DENND1B: variants seen among roughly 807,000 people sequenced by gnomAD.
DENND1B encodes the protein DENN domain-containing protein 1B.
A neutral mutation model predicts 90.1 loss-of-function variants in DENND1B; 59 were observed. The observed-to-expected ratio is 0.65, with a 90% CI of 0.53 to 0.81. DENND1B has a LOEUF of 0.81. DENND1B is among the 40% of genes least tolerant of loss of function. The pLI is 0.00. For missense variants in DENND1B, 862 were observed against 912.6 expected, an observed-to-expected ratio of 0.94 and a Z score of 0.71; for synonymous variants, 337 against 324.6, an observed-to-expected ratio of 1.04 and a Z score of -0.41.
At chr1:197,613,891 A>T (rs1677403401) in intron 11 of DENND1B, among the ~76,000 whole-genome samples, 1 of 151,098 alleles carries the variant, frequency 6.6e-6, no homozygotes, top group Admixed American at 6.6e-5. Context: ...TTAATGAAAG[A>T]GTTTTAAAAT....
chr1:197,569,155 A>C (rs1315600102), intron 15 of DENND1B, among the ~76,000 whole-genome samples: 1 of 152,120 alleles, frequency 6.6e-6, no homozygotes, highest in East Asian at 1.9e-4. Context: ...AAGACATACA[A>C]ATGGCCAACA....
At chr1:197,759,597 G>C (rs1439662058) in intron 2 of DENND1B, among the ~76,000 whole-genome samples, 1 of 151,150 alleles carries the variant, frequency 6.6e-6, no homozygotes, top group Non-Finnish European at 1.5e-5. Flanking sequence ...AAAAAAGTTA[G>C]CTGGGCATGG....
chr1:197,534,700 A>G (rs1008489301), intron 20 of DENND1B, among the ~76,000 whole-genome samples: 24 of 152,324 alleles, frequency 1.6e-4, no homozygotes, highest in African/African-American at 4.8e-4. Context: ...GTAAGATATT[A>G]AAGTATTTTT....
intron 3 of DENND1B, among the ~76,000 whole-genome samples, chr1:197,702,065 T>C (rs763904610): frequency 2.6e-5 from 4 of 152,142 alleles, no homozygotes; most frequent in Admixed American, 2.6e-4. Context: ...ATCAATAAAG[T>C]AGATTATAAA....
intron 14 of DENND1B, among the ~76,000 whole-genome samples, chr1:197,590,904 A>G (rs983920808): frequency 2.0e-5 from 3 of 152,158 alleles, no homozygotes; most frequent in African/African-American, 7.2e-5. Flanking sequence ...TTGATCTAAC[A>G]TGAACATCAT....
chr1:197,594,510 T>C (rs1675515123), intron 14 of DENND1B, among the ~76,000 whole-genome samples: 1 of 152,174 alleles, frequency 6.6e-6, no homozygotes, highest in Admixed American at 6.5e-5. Flanking sequence ...GTTTTATCTC[T>C]TACAACTTAT....
At chr1:197,738,019 TG>T (rs1662870704) in intron 2 of DENND1B, among the ~76,000 whole-genome samples, 1 of 58,920 alleles carries the variant, frequency 1.7e-5, no homozygotes, top group African/African-American at 7.8e-5. Flanking sequence ...AGGTTTTGAT[TG>T]CCTCCTAATT....
intron 3 of DENND1B, among the ~76,000 whole-genome samples, chr1:197,708,042 C>T (rs1228275324): frequency 2.1e-4 from 31 of 149,074 alleles, no homozygotes; most frequent in Non-Finnish European, 3.9e-4. Context: ...CGGCGCACCA[C>T]GAGACTATAT....
At chr1:197,583,370 CCCTT>C (rs1203723371) in intron 14 of DENND1B, 117 bp from the exon 15 acceptor site, 1 of 832,222 alleles carries the variant, frequency 1.2e-6, no homozygotes, top group Non-Finnish European at 1.9e-6. Flanking sequence ...AAGCAACAGA[CCCTT>C]CCTTACACAG....
chr1:197,505,217 A>G lies in DENND1B; in HGVS notation c.*5243T>C, dbSNP rs1667675053. 6.6e-6 allele frequency: 1 copy of G among 151,776 alleles called. No individual in the cohort carries two copies. Among genetic ancestry groups the G allele is most frequent in the Non-Finnish European group, 1.5e-5 (1 of 67,820 alleles). The allele number at this position is 151,776 out of a possible 1,614,324, so 9.4% of individuals were successfully genotyped here. On this transcript the variant is annotated 3_prime_UTR_variant, in exon 23 of 23. Coordinates refer to ENST00000620048, the MANE Select transcript of DENND1B (RefSeq NM_001195215.2). ...GAAATCCACTTTTTCAAATATGATT[A>G]TTAAATGGCTCTCAAAATAACGTTA...
chr1:197,659,895 A>T (rs950999828), intron 5 of DENND1B, among the ~76,000 whole-genome samples: 1 of 152,050 alleles, frequency 6.6e-6, no homozygotes, highest in African/African-American at 2.4e-5. Context: ...ACAAATTAAT[A>T]GCCAACCACC....
chr1:197,515,875 C>G (rs918298297), intron 20 of DENND1B, among the ~76,000 whole-genome samples: 2 of 151,802 alleles, frequency 1.3e-5, no homozygotes, highest in African/African-American at 4.8e-5. Context: ...TTATGTCTTT[C>G]CCTATTGTGT....
At chr1:197,676,082 C>CAAAAAAAAAAAAAA (rs3046951) in intron 3 of DENND1B, among the ~76,000 whole-genome samples, 2 of 114,918 alleles carry the variant, frequency 1.7e-5, no homozygotes, top group African/African-American at 7.2e-5. Flanking sequence ...ACAGTATAGA[C>CAAAAAAAAAAAAAA]AAAAAAAAAA....
intron 10 of DENND1B, among the ~76,000 whole-genome samples, chr1:197,623,914 T>A (rs775325140): frequency 2.6e-5 from 4 of 151,594 alleles, no homozygotes; most frequent in Non-Finnish European, 5.9e-5. Context: ...CTAAAGACTC[T>A]GATAAAAGAA....
At chr1:197,552,685 C>T (rs949901307) in intron 16 of DENND1B, 20 of 1,059,560 alleles carry the variant, frequency 1.9e-5, no homozygotes, top group Non-Finnish European at 2.3e-5. Context: ...ATAACCATCA[C>T]TAGTAGTTTT....
At chr1:197,544,955 G>GGAGGAAGGAGGA (rs1558222461) in intron 18 of DENND1B, among the ~76,000 whole-genome samples, 3 of 54,234 alleles carry the variant, frequency 5.5e-5, no homozygotes, top group Admixed American at 2.2e-4. Context: ...GAAGAGAGAA[G>GGAGGAAGGAGGA]GGAGAAGGAG....
At position 197,588,414 on chromosome 1, in the gene DENND1B, A is replaced by G. The variant is rs1674902464; in HGVS notation, c.1048-5161T>C. Among the ~76,000 whole-genome samples, 4 of 152,318 alleles carry G rather than the reference A, an allele frequency of 2.6e-5. No homozygotes were observed. In the South Asian group the frequency reaches 8.3e-4, roughly 32 times the overall value. ...TAAAACATAGATTAGATCTTATACT[A>G]TCAGGACGTGTATGACTTAGCAAGA... is the stretch of plus-strand genomic sequence containing the variant. On this transcript the variant is annotated intron_variant, in intron 14 of 22. Transcript: ENST00000620048.
At chr1:197,593,397 C>T (rs1572002920) in intron 14 of DENND1B, among the ~76,000 whole-genome samples, 1 of 146,764 alleles carries the variant, frequency 6.8e-6, no homozygotes, top group Non-Finnish European at 1.5e-5. Context: ...AGGAAAATAC[C>T]AAATGTAAAA....
intron 9 of DENND1B, among the ~76,000 whole-genome samples, chr1:197,645,361 C>T (rs1680639206): frequency 6.6e-6 from 1 of 151,990 alleles, no homozygotes; most frequent in South Asian, 2.1e-4. Context: ...CCTGAGGTAT[C>T]TCTTCTATCA....
Sources: gnomAD v4.1 joint callset for allele counts (sites outside exome capture counted in the v4.1 genomes callset) on GRCh38, gnomAD v4.1.1 for gene constraint, MANE v1.5 for transcripts, NCBI Gene and HGNC (gene_info 2026-07-23, HGNC 2026-07-21) for gene names.